Variants in CHRNB4 observed in about 807,000 individuals in gnomAD.
CHRNB4 encodes neuronal acetylcholine receptor subunit beta-4.
Under a neutral mutation model 40.4 loss-of-function variants are expected in CHRNB4, and 23 were observed. The observed-to-expected ratio is 0.57, with a 90% confidence interval of 0.41 to 0.81. CHRNB4 has a LOEUF of 0.81. CHRNB4 is among the 30% of genes least tolerant of loss of function. CHRNB4 has a pLI of 0.00. For missense variants in CHRNB4, 568 were observed against 670.6 expected (o/e 0.85, Z 1.69); for synonymous variants, 285 against 274.4 (o/e 1.04, Z -0.38).
intron 2 of CHRNB4, among the ~76,000 whole-genome samples, chr15:78,657,654 C>T (rs112059258): frequency 1.8e-5 from 2 of 112,952 alleles, no homozygotes; most frequent in South Asian, 5.0e-4. Flanking sequence ...CCCGGGTTCA[C>T]GCCATTCTCC....
intron 5 of CHRNB4, among the ~76,000 whole-genome samples, chr15:78,628,662 T>C (rs1427029763): frequency 6.6e-6 from 1 of 152,154 alleles, no homozygotes; most frequent in Admixed American, 6.5e-5. Flanking sequence ...CTGTCTCACT[T>C]TCCCTCCTTC....
At chr15:78,647,590 T>C (rs1351106592) in intron 7 of CHRNB4, among the ~76,000 whole-genome samples, 1 of 149,868 alleles carries the variant, frequency 6.7e-6, no homozygotes, top group Non-Finnish European at 1.5e-5. Flanking sequence ...CTCACGCCTG[T>C]AATCCCAGCA....
intron 7 of CHRNB4, among the ~76,000 whole-genome samples, chr15:78,647,098 C>T (rs1567137366): frequency 1.3e-5 from 2 of 152,120 alleles, no homozygotes; most frequent in Non-Finnish European, 1.5e-5. Flanking sequence ...TGTGATTGAG[C>T]CACTGCACTC....
At chr15:78,639,834 T>G (rs1274852658) in intron 1 of CHRNB4, among the ~76,000 whole-genome samples, 4 of 152,034 alleles carry the variant, frequency 2.6e-5, no homozygotes, top group Admixed American at 2.6e-4. Flanking sequence ...TCTCCAAATA[T>G]GTAGGCAGGG....
At chr15:78,639,593 T>C (rs1477868035) in intron 1 of CHRNB4, among the ~76,000 whole-genome samples, 1 of 152,214 alleles carries the variant, frequency 6.6e-6, no homozygotes, top group Non-Finnish European at 1.5e-5. Context: ...CCACCGCGCC[T>C]GGCCTATGAT....
chr15:78,642,130 G>A (rs781348846), upstream of CHRNB4, among the ~76,000 whole-genome samples: 7 of 152,112 alleles, frequency 4.6e-5, no homozygotes, highest in Non-Finnish European at 1.0e-4. Flanking sequence ...TTATCTCCAG[G>A]ACTCTCAGTC....
At chr15:78,657,066 C>T (rs964549392) in intron 3 of CHRNB4, among the ~76,000 whole-genome samples, 3 of 151,896 alleles carry the variant, frequency 2.0e-5, no homozygotes, top group African/African-American at 7.3e-5. Context: ...TTTCTGTCAC[C>T]CAGGCTGGAG....
Position 78,649,452 on chromosome 15 carries a change from G to T in CHRNB4, c.-15-13C>A, listed in dbSNP as rs1016541617. On this transcript the variant is annotated splice_polypyrimidine_tract_variant and intron_variant and NMD_transcript_variant, in intron 6 of 11. Coordinates refer to the CHRNB4 transcript ENST00000559849. ...GCCAAATCTGGAGCTAAGAAGAATG[G>T]TTTTTATAACATTAAAGCACTATAA... 1.4e-4 allele frequency: 62 copies of T among 452,984 alleles called. 1 individual carries two copies. Among genetic ancestry groups the T allele is most frequent in the South Asian group, 9.5e-4 (61 of 63,914 alleles). 28.1% of individuals were successfully genotyped at this position (452,984 alleles called of 1,614,324 possible).
intron 2 of CHRNB4, among the ~76,000 whole-genome samples, chr15:78,634,332 G>C (rs900932159): frequency 6.6e-6 from 1 of 152,186 alleles, no homozygotes; most frequent in African/African-American, 2.4e-5. Context: ...CGCAGCAGCT[G>C]GGTTCAACTC....
At chr15:78,659,259 T>A (rs2054235077) in intron 1 of CHRNB4, among the ~76,000 whole-genome samples, 1 of 152,062 alleles carries the variant, frequency 6.6e-6, no homozygotes, top group Admixed American at 6.6e-5. Context: ...TTAAACCCCA[T>A]CTCTTCCAAA....
exon 4 of CHRNB4, chr15:78,656,452 A>G (rs2054214432): frequency 6.6e-6 from 1 of 152,136 alleles, no homozygotes; most frequent in Admixed American, 6.6e-5. Context: ...TGACTTGATC[A>G]CTATGCATTA....
At chr15:78,640,492 C>A (rs1006594527) in intron 1 of CHRNB4, among the ~76,000 whole-genome samples, 1 of 152,240 alleles carries the variant, frequency 6.6e-6, no homozygotes, top group Non-Finnish European at 1.5e-5. Flanking sequence ...AGATCCACCC[C>A]CAAAGCACAA....
chr15:78,635,358 C>T, intron 2 of CHRNB4, 81 bp downstream of exon 2: 1 of 1,548,854 alleles, frequency 6.5e-7, no homozygotes, highest in Non-Finnish European at 8.7e-7. Flanking sequence ...AGTTTCATTC[C>T]TTTGACCAAT....
intron 5 of CHRNB4, 38 bp downstream of exon 5, chr15:78,628,929 C>A (rs201030054): frequency 6.3e-7 from 1 of 1,577,980 alleles, no homozygotes; most frequent in Non-Finnish European, 8.6e-7. Flanking sequence ...TGAGCCCTTT[C>A]TGTTGGGCAG....
chr15:78,625,849 G>A (rs2053639868), intron 5 of CHRNB4: 1 of 152,266 alleles, frequency 6.6e-6, no homozygotes, highest in African/African-American at 2.4e-5. Context: ...GCATCATTCA[G>A]GTCTCTCTGG....
At chr15:78,642,074 G>C (rs906135181), upstream of CHRNB4, among the ~76,000 whole-genome samples, 1 of 152,228 alleles carries the variant, frequency 6.6e-6, no homozygotes, top group African/African-American at 2.4e-5. Flanking sequence ...AAGACAGGAA[G>C]GGCGGGGTCT....
rs143036263 is a variant in CHRNB4 at position 78,651,916 on chromosome 15, G to A, written c.-16+662C>T. ...GAGCCCAAAAGGGCTGCAGGGACAG[G>A]GCAGGGTCTTGGATCCTCATCTCTT... On this transcript the variant is annotated intron_variant and NMD_transcript_variant, in intron 6 of 11. Transcript: ENST00000559849. Among the ~76,000 whole-genome samples the A allele has an allele frequency of 3.4e-3, 515 of 152,342 alleles. 1 individual carries two copies. The highest frequency in any genetic ancestry group is 0.011 in the African/African-American group (473 of 41,586).
At chr15:78,648,254 G>A (rs1381130245) in intron 7 of CHRNB4, among the ~76,000 whole-genome samples, 2 of 151,766 alleles carry the variant, frequency 1.3e-5, no homozygotes, top group African/African-American at 2.4e-5. Flanking sequence ...TTAGCTGGGT[G>A]TGGTGGCAGG....
intron 1 of CHRNB4, 119 bp from the exon 2 acceptor site, chr15:78,635,706 G>T: frequency 7.4e-7 from 1 of 1,350,200 alleles, no homozygotes; most frequent in Non-Finnish European, 1.0e-6. Context: ...CTGAAGCAGC[G>T]AAGGTGCTGG....
Sources: gnomAD v4.1 joint callset for allele counts (sites outside exome capture counted in the v4.1 genomes callset) on GRCh38, gnomAD v4.1.1 for gene constraint, MANE v1.5 for transcripts, NCBI Gene and HGNC (gene_info 2026-07-23, HGNC 2026-07-21) for gene names.